Variants in COLEC12 observed in about 807,000 individuals in gnomAD.
The protein encoded by COLEC12 is collectin-12.
In COLEC12, 33 loss-of-function variants were observed where a neutral mutation model predicts 71.1. The observed-to-expected ratio is 0.46, with a 90% CI of 0.35 to 0.62. The LOEUF is 0.62. Ranked by LOEUF, COLEC12 falls within the 20% of genes least tolerant of loss-of-function variation. COLEC12 has a pLI of 0.00. For missense variants in COLEC12, 765 were observed against 916.1 expected, an observed-to-expected ratio of 0.84 and a Z score of 2.13; for synonymous variants, 350 against 353.0, an observed-to-expected ratio of 0.99 and a Z score of 0.10.
At position 333,112 on chromosome 18, in the gene COLEC12, G is replaced by A. The variant is rs1914021481; in HGVS notation, c.1848C>T (p.Asp616=). 4 of 1,609,620 alleles carry A rather than the reference G, an allele frequency of 2.5e-6. No homozygotes were observed. The African/African-American group carries it at 4.0e-5, about 16-fold the overall frequency. The change falls in exon 7 of 10, where the codon GAC becomes GAT. Residue 616 remains aspartate, a synonymous_variant. Coordinates refer to ENST00000400256, the MANE Select transcript of COLEC12 (RefSeq NM_130386.3). The stretch of plus-strand genomic sequence containing the variant: ...TCTCAACTGAAAAATAGTAGCATTT[G>A]TCTGTGAAGTTCTTCCAGTGAGGCG... The part of the protein sequence containing the change: ...GCPPHWKNFT[D]KCYYFSVEKE...
rs76135966 is a variant in COLEC12 at position 473,449 on chromosome 18, G to C, written c.58+7258C>G. Among the ~76,000 whole-genome samples, 2,910 of 151,944 alleles carry C rather than the reference G, an allele frequency of 0.019. 187 individuals carry two copies. The East Asian group carries it at 0.23, about 12-fold the overall frequency. On this transcript the variant is annotated intron_variant, in intron 2 of 9. Coordinates refer to ENST00000400256, the MANE Select transcript of COLEC12 (RefSeq NM_130386.3). ...GTGATCTCGGCTCACTGCAACCTCC[G>C]CCTCCCAGGTTCAAGTGATTCTCCT...
intron 2 of COLEC12, among the ~76,000 whole-genome samples, chr18:395,093 C>G (rs956457136): frequency 5.9e-5 from 9 of 152,232 alleles, no homozygotes; most frequent in African/African-American, 1.7e-4. Context: ...TCTGGGAAAG[C>G]CTAACATCTG....
At chr18:442,067 G>C (rs1242765823) in intron 2 of COLEC12, among the ~76,000 whole-genome samples, 3 of 149,162 alleles carry the variant, frequency 2.0e-5, no homozygotes, top group Non-Finnish European at 4.4e-5. Flanking sequence ...TCTGATGACT[G>C]TCAGTGGGGA....
At position 397,341 on chromosome 18, in the gene COLEC12, T is replaced by C. The variant is rs532739312; in HGVS notation, c.59-39819A>G. On this transcript the variant is annotated intron_variant, in intron 2 of 9. Coordinates refer to ENST00000400256, the MANE Select transcript of COLEC12 (RefSeq NM_130386.3). ...ACCCCATGCTCTATTTTATTCATTA[T>C]TTATTTGGGACCTAATAAATTATCT... Among the ~76,000 whole-genome samples, 13 of 152,364 alleles carry C rather than the reference T, an allele frequency of 8.5e-5. No individual in the cohort carries two copies. The South Asian group carries it at 2.7e-3, about 32-fold the overall frequency.
intron 2 of COLEC12, among the ~76,000 whole-genome samples, chr18:424,850 G>T (rs559785744): frequency 6.6e-6 from 1 of 152,222 alleles, no homozygotes; most frequent in African/African-American, 2.4e-5. Context: ...CTCAGTCTAA[G>T]GAGAAGCAGT....
chr18:429,582 A>G lies in COLEC12; in HGVS notation c.58+51125T>C, dbSNP rs1453358404. ...TTTTTAGTAGAGACAGGGATTTGCC[A>G]TGTTGGCCAGGCTGGTCTCAAACTG... On this transcript the variant is annotated intron_variant, in intron 2 of 9. Coordinates refer to ENST00000400256, the MANE Select transcript of COLEC12 (RefSeq NM_130386.3). 2.0e-5 allele frequency among the ~76,000 whole-genome samples: 3 copies of G among 152,132 alleles called. No individual in the cohort carries two copies. In the East Asian group the frequency reaches 5.8e-4, roughly 29 times the overall value.
Position 319,996 on chromosome 18 carries a change from T to C in COLEC12, c.*49A>G, listed in dbSNP as rs771396020. Reference sequence around the variant, plus strand: ...GTGATGCAATTAGAAAGGAGTGTCCTTTGCCTTTGAGAGCTGAAAATTTGC... The same window carrying C: ...GTGATGCAATTAGAAAGGAGTGTCCCTTGCCTTTGAGAGCTGAAAATTTGC... On this transcript the variant is annotated 3_prime_UTR_variant, in exon 10 of 10. Transcript: ENST00000400256. 6 of 1,207,476 alleles carry C rather than the reference T, an allele frequency of 5.0e-6. No individual in the cohort carries two copies. The African/African-American group carries it at 7.7e-5, about 16-fold the overall frequency. 74.8% of individuals were successfully genotyped at this position (1,207,476 alleles called of 1,614,324 possible).
intron 2 of COLEC12, among the ~76,000 whole-genome samples, chr18:472,637 C>A (rs1453068151): frequency 2.1e-5 from 3 of 140,330 alleles, no homozygotes; most frequent in Non-Finnish European, 4.5e-5. Flanking sequence ...AGTGATGGCA[C>A]CACTGCACTC....
intron 8 of COLEC12, among the ~76,000 whole-genome samples, chr18:324,499 C>T (rs1475344145): frequency 1.3e-5 from 2 of 152,144 alleles, no homozygotes; most frequent in East Asian, 1.9e-4. Flanking sequence ...CACACACACA[C>T]ATCAAATATA....
chr18:376,387 A>C (rs1915114227), intron 2 of COLEC12, among the ~76,000 whole-genome samples: 1 of 152,258 alleles, frequency 6.6e-6, no homozygotes, highest in African/African-American at 2.4e-5. Flanking sequence ...ATTTACTTTA[A>C]ACAGCCATTC....
At chr18:414,187 A>G (rs1598355761) in intron 2 of COLEC12, among the ~76,000 whole-genome samples, 1 of 152,232 alleles carries the variant, frequency 6.6e-6, no homozygotes, top group East Asian at 1.9e-4. Flanking sequence ...CTGCATGTGA[A>G]TTTACAATGA....
chr18:480,651 C>T lies in COLEC12; in HGVS notation c.58+56G>A, dbSNP rs1567921104. 6.7e-7 allele frequency: 1 copy of T among 1,483,110 alleles called. No individual in the cohort carries two copies. Among genetic ancestry groups the T allele is most frequent in the Non-Finnish European group, 9.4e-7 (1 of 1,060,716 alleles). The allele number at this position is 1,483,110 out of a possible 1,614,324, so 91.9% of individuals were successfully genotyped here. On this transcript the variant is annotated intron_variant, in intron 2 of 9. Transcript: ENST00000400256. This position sits in a 1 kb window ranked among gnomAD's most constrained non-coding sequence, Gnocchi z 4.1. ...GGCCTGCCAATGGTCTCTGAGGGTT[C>T]GTGGCTGCATCCCAGGTTGACCACT...
At position 362,157 on chromosome 18, in the gene COLEC12, G is replaced by A. The variant is rs1249773597; in HGVS notation, c.59-4635C>T. On this transcript the variant is annotated intron_variant, in intron 2 of 9. Coordinates refer to ENST00000400256, the MANE Select transcript of COLEC12 (RefSeq NM_130386.3). The surrounding 1 kb of genome is among the most constrained non-coding windows in gnomAD (Gnocchi z 4.6). ...CAGGCATCTGGTGCATGTGGTATTC[G>A]TGCAGATCCAAGCCCGGACAGCTGT... 1.3e-5 allele frequency among the ~76,000 whole-genome samples: 2 copies of A among 152,160 alleles called. No homozygotes were observed. The highest frequency in any genetic ancestry group is 1.9e-4 in the East Asian group (1 of 5,182).
rs183576102 is a variant in COLEC12, at chr18:418,252, C to T, written c.59-60730G>A. Among the ~76,000 whole-genome samples the T allele has an allele frequency of 1.2e-3, 183 of 152,320 alleles. 1 individual carries two copies. The highest frequency in any genetic ancestry group is 3.8e-3 in the African/African-American group (159 of 41,570). ...AGATACTTTGTAAGTTTAAGAGCCA[C>T]ATAAACACCAAGTATTTGCCTAAAA... On this transcript the variant is annotated intron_variant, in intron 2 of 9. Transcript: ENST00000400256.
chr18:460,894 C>T (rs887520443), intron 2 of COLEC12, among the ~76,000 whole-genome samples: 1 of 152,268 alleles, frequency 6.6e-6, no homozygotes, highest in Non-Finnish European at 1.5e-5. Flanking sequence ...GCGCCGTATC[C>T]AATTATCACA....
At chr18:357,034 A>C (rs1462421430) in intron 3 of COLEC12, among the ~76,000 whole-genome samples, 1 of 152,166 alleles carries the variant, frequency 6.6e-6, no homozygotes, top group Non-Finnish European at 1.5e-5. Flanking sequence ...CTGTCAATAT[A>C]GTTTTCCTGT....
chr18:412,105 T>G (rs1382235774), intron 2 of COLEC12, among the ~76,000 whole-genome samples: 1 of 152,110 alleles, frequency 6.6e-6, no homozygotes, highest in Non-Finnish European at 1.5e-5. Context: ...AACCTACATA[T>G]TCAGATGATG....
At chr18:467,908 TA>T (rs1917117635) in intron 2 of COLEC12, among the ~76,000 whole-genome samples, 1 of 151,838 alleles carries the variant, frequency 6.6e-6, no homozygotes, top group Non-Finnish European at 1.5e-5. Flanking sequence ...GATAGATCCA[TA>T]ATAAAGATAC....
At chr18:466,234 T>C (rs2143743955) in intron 2 of COLEC12, among the ~76,000 whole-genome samples, 1 of 152,248 alleles carries the variant, frequency 6.6e-6, no homozygotes, top group South Asian at 2.1e-4. Flanking sequence ...ATTGAGACCT[T>C]GTCTCAAAAA....
Sources: gnomAD v4.1 joint callset for allele counts (sites outside exome capture counted in the v4.1 genomes callset) on GRCh38, gnomAD v4.1.1 for gene constraint, Gnocchi (gnomAD v3.1) non-coding constraint, MANE v1.5 for transcripts, NCBI Gene and HGNC (gene_info 2026-07-23, HGNC 2026-07-21) for gene names.